Variants in EYS observed in about 807,000 individuals in gnomAD.
EYS encodes the protein protein eyes shut homolog.
A neutral mutation model predicts 282.1 loss-of-function variants in EYS; 250 were observed. The ratio of observed to expected loss-of-function variants is 0.89; its 90% CI spans 0.80 to 0.98. The LOEUF (loss-of-function observed/expected upper bound fraction) is 0.98, where lower values mean the gene tolerates loss of function less well. EYS is among the 50% of genes least tolerant of loss of function. EYS has a pLI of 0.00. For missense variants in EYS, 4,016 were observed against 3,709.0 expected (o/e 1.08, Z -2.15); for synonymous variants, 1,355 against 1,282.9 (o/e 1.06, Z -1.20).
chr6:63,817,358 C>T (rs2149684146), intron 36 of EYS, among the ~76,000 whole-genome samples: 1 of 152,282 alleles, frequency 6.6e-6, no homozygotes, highest in Non-Finnish European at 1.5e-5. Flanking sequence ...AAAGGGAAGA[C>T]ACAGTGCTAC....
chr6:65,189,607 G>T (rs748573233), intron 12 of EYS, among the ~76,000 whole-genome samples: 1 of 151,652 alleles, frequency 6.6e-6, no homozygotes, highest in Admixed American at 6.6e-5. Flanking sequence ...TTTCTTTTAC[G>T]TTAAAGAAGG....
intron 2 of EYS, among the ~76,000 whole-genome samples, chr6:65,623,266 G>A (rs1347257893): frequency 6.6e-6 from 1 of 152,046 alleles, no homozygotes; most frequent in African/African-American, 2.4e-5. Context: ...TAGAAAGCAG[G>A]GGACAGCGAA....
intron 29 of EYS, among the ~76,000 whole-genome samples, chr6:64,345,952 T>C (rs1436775911): frequency 6.6e-6 from 1 of 152,008 alleles, no homozygotes; most frequent in Non-Finnish European, 1.5e-5. Flanking sequence ...CATGAAAAAA[T>C]GCTCATCATC....
intron 31 of EYS, among the ~76,000 whole-genome samples, chr6:64,165,691 GT>G (rs1450520696): frequency 1.3e-5 from 2 of 152,086 alleles, no homozygotes; most frequent in Non-Finnish European, 1.5e-5. Context: ...AATTTAACAG[GT>G]CGTTTAATGC....
intron 22 of EYS, among the ~76,000 whole-genome samples, chr6:64,789,578 C>T (rs964862033): frequency 9.9e-5 from 15 of 152,074 alleles, no homozygotes; most frequent in Non-Finnish European, 1.8e-4. Flanking sequence ...CCAAGGTGCC[C>T]TTCCTGATTC....
intron 22 of EYS, among the ~76,000 whole-genome samples, chr6:64,810,550 G>C (rs1294445494): frequency 6.6e-6 from 1 of 151,852 alleles, no homozygotes; most frequent in Admixed American, 6.6e-5. Context: ...AAAATTACAG[G>C]CAATTTTAAA....
intron 2 of EYS, among the ~76,000 whole-genome samples, chr6:65,522,763 T>C (rs1649592486): frequency 6.6e-6 from 1 of 152,290 alleles, no homozygotes; most frequent in Middle Eastern, 3.4e-3. Flanking sequence ...TCTCACATTT[T>C]TGATACCTTT....
rs55730437 is a variant in EYS at position 64,714,516 on chromosome 6, CTTTTTTTTTTTTTTTTTT to C, written c.3444-88289_3444-88272del. On this transcript the variant is annotated intron_variant, in intron 22 of 42. Transcript: ENST00000503581. ...TATTTGAAACACATTTTCTTTCTTT[CTTTTTTTTTTTTTTTTTT>C]TTTTTTTTTGAGACGGAGTCTGGCT... Among the ~76,000 whole-genome samples, 3 of 127,926 alleles carry C rather than the reference CTTTTTTTTTTTTTTTTTT, an allele frequency of 2.3e-5. No individual in the cohort carries two copies. In the East Asian group the frequency reaches 7.5e-4, roughly 32 times the overall value. The allele number at this position is 127,926 out of a possible 152,430, so 83.9% of individuals were successfully genotyped here. A position where few individuals can be genotyped will look rare whatever the true frequency, so the allele number is the denominator to read the frequency against.
intron 1 of EYS, among the ~76,000 whole-genome samples, chr6:65,648,971 C>G (rs1767555470): frequency 6.6e-6 from 1 of 150,884 alleles, no homozygotes; most frequent in Non-Finnish European, 1.5e-5. Context: ...ATGCTGATAC[C>G]CCATCTCTAC....
Position 63,955,191 on chromosome 6 carries a change from C to G in EYS, c.7055+29192G>C, listed in dbSNP as rs370296937. 3.9e-5 allele frequency among the ~76,000 whole-genome samples: 6 copies of G among 152,262 alleles called. No individual in the cohort carries two copies. The East Asian group carries it at 1.2e-3, about 29-fold the overall frequency. On this transcript the variant is annotated intron_variant, in intron 35 of 42. Coordinates refer to ENST00000503581, the MANE Select transcript of EYS (RefSeq NM_001142800.2). ...ATAATTCCTTAGTTTGGCCTTCCCA[C>G]CTCTATACACTCCAATAACAGACCA...
chr6:65,471,232 A>C (rs1765203157), intron 5 of EYS, among the ~76,000 whole-genome samples: 1 of 137,786 alleles, frequency 7.3e-6, no homozygotes, highest in Non-Finnish European at 1.6e-5. Flanking sequence ...ATCTTTACAA[A>C]AAAAAAAAAA....
At chr6:64,904,463 C>A (rs573179045) in intron 16 of EYS, among the ~76,000 whole-genome samples, 1 of 152,170 alleles carries the variant, frequency 6.6e-6, no homozygotes, top group African/African-American at 2.4e-5. Flanking sequence ...TTGCTGTTTT[C>A]TATATTTAGG....
chr6:63,883,550 T>A (rs1182959750), intron 35 of EYS, among the ~76,000 whole-genome samples: 1 of 152,240 alleles, frequency 6.6e-6, no homozygotes, highest in Non-Finnish European at 1.5e-5. Flanking sequence ...TGTAGGCTAC[T>A]CAGGATGTCC....
intron 14 of EYS, among the ~76,000 whole-genome samples, chr6:64,955,517 A>G (rs1388905062): frequency 6.6e-6 from 1 of 152,106 alleles, no homozygotes; most frequent in African/African-American, 2.4e-5. Context: ...AGCAGGAAAA[A>G]ATATGGTTAA....
intron 31 of EYS, among the ~76,000 whole-genome samples, chr6:64,199,962 G>C (rs1765411345): frequency 6.6e-6 from 1 of 152,018 alleles, no homozygotes; most frequent in African/African-American, 2.4e-5. Context: ...TAAACAAACT[G>C]TGATGTACTA....
chr6:63,875,933 C>T (rs918566395), intron 35 of EYS, among the ~76,000 whole-genome samples: 11 of 152,152 alleles, frequency 7.2e-5, no homozygotes, highest in African/African-American at 2.2e-4. Context: ...CTCCTGGATT[C>T]GTTGATTTTT....
At chr6:64,397,532 G>C (rs1375304151) in intron 28 of EYS, among the ~76,000 whole-genome samples, 1 of 151,756 alleles carries the variant, frequency 6.6e-6, no homozygotes, top group Non-Finnish European at 1.5e-5. Flanking sequence ...ATTTTTTATA[G>C]GATTTTTTAA....
intron 14 of EYS, among the ~76,000 whole-genome samples, chr6:64,964,484 C>T (rs1442223331): frequency 6.6e-6 from 1 of 151,544 alleles, no homozygotes; most frequent in African/African-American, 2.4e-5. Context: ...TTTTTCTTTC[C>T]TGTCCACTGA....
intron 24 of EYS, among the ~76,000 whole-genome samples, chr6:64,614,867 G>A (rs537472822): frequency 1.3e-5 from 2 of 152,066 alleles, no homozygotes; most frequent in Non-Finnish European, 2.9e-5. Context: ...TGTCACTCTC[G>A]TACAATCATA....
Sources: gnomAD v4.1 joint callset for allele counts (sites outside exome capture counted in the v4.1 genomes callset) on GRCh38, gnomAD v4.1.1 for gene constraint, MANE v1.5 for transcripts, NCBI Gene and HGNC (gene_info 2026-07-23, HGNC 2026-07-21) for gene names.